Variants in SMG5 observed in about 807,000 individuals in gnomAD.
SMG5 encodes SMG5 nonsense mediated mRNA decay factor.
SMG5 carries 53 observed loss-of-function variants against 122.9 expected under a neutral mutation model. The ratio of observed to expected loss-of-function variants is 0.43; its 90% CI spans 0.35 to 0.54. SMG5 has a LOEUF of 0.54. Ranked by LOEUF, SMG5 falls within the 20% of genes least tolerant of loss-of-function variation. The probability of loss-of-function intolerance (pLI) is 0.01; values close to 1 mark genes in which losing one functional copy is unlikely to be tolerated. For missense variants in SMG5, 1,153 were observed against 1,285.6 expected (o/e 0.90, Z 1.58); for synonymous variants, 477 against 490.2 (o/e 0.97, Z 0.35).
At position 156,268,324 on chromosome 1, in the gene SMG5, A is replaced by T. The variant is rs757470262; in HGVS notation, c.805T>A (p.Cys269Ser). 2.5e-6 allele frequency: 4 copies of T among 1,614,136 alleles called. No individual in the cohort carries two copies. The East Asian group carries it at 8.9e-5, about 36-fold the overall frequency. Residue 269 changes from cysteine to serine, a missense_variant, in exon 8 of 22, where the codon TGT (cysteine) becomes AGT (serine). By Grantham distance (112) the Cys-to-Ser change is moderately radical (BLOSUM62 -1). Around this residue, in one of 5 missense-constraint regions of SMG5, gnomAD observed 631 missense variants for 650.6 expected, o/e 0.97. Transcript: ENST00000361813. The part of the protein sequence containing the change: ...AAKMYHQLKK[C>S]ETRKLSPGKK... ...CCAGGAGACAGTTTCCGAGTCTCAC[A>T]CTTCTTCAGTTGGTGGTACATTTTG... is the stretch of plus-strand genomic sequence containing the variant.
intron 16 of SMG5, among the ~76,000 whole-genome samples, chr1:156,254,067 G>T (rs1046841989): frequency 1.3e-5 from 2 of 152,130 alleles, no homozygotes; most frequent in Non-Finnish European, 2.9e-5. Flanking sequence ...GCTCAGGGTT[G>T]GCTTTGAATC....
chr1:156,273,057 G>A (rs1662505359), intron 6 of SMG5, among the ~76,000 whole-genome samples: 1 of 152,054 alleles, frequency 6.6e-6, no homozygotes. Context: ...CTCTATAATA[G>A]TCTTATGCTT....
At chr1:156,284,213 T>C (rs1265586165), upstream of SMG5, 1 of 152,264 alleles carries the variant, frequency 6.6e-6, no homozygotes, top group East Asian at 1.9e-4. Flanking sequence ...ATGCTTTTTT[T>C]TGTCGGCAGA....
At chr1:156,278,488 T>C (rs1009523888) in intron 2 of SMG5, among the ~76,000 whole-genome samples, 1 of 151,594 alleles carries the variant, frequency 6.6e-6, no homozygotes, top group Non-Finnish European at 1.5e-5. Context: ...TCAGCCTAAC[T>C]ACAGGTGTGC....
At chr1:156,250,718 T>A (rs1558230491) in intron 21 of SMG5, 48 bp from the exon 22 acceptor site, 2 of 1,606,940 alleles carry the variant, frequency 1.2e-6, no homozygotes, top group Non-Finnish European at 1.7e-6. Context: ...CCTCCTGAAC[T>A]GAAGAGCAAA....
upstream of SMG5, chr1:156,284,297 A>T (rs1218872136): frequency 6.6e-6 from 1 of 152,258 alleles, no homozygotes; most frequent in African/African-American, 2.4e-5. Context: ...AGACACAGGT[A>T]AAGGGAGGGA....
intron 12 of SMG5, among the ~76,000 whole-genome samples, chr1:156,265,400 AG>A (rs1662080475): frequency 6.6e-6 from 1 of 152,202 alleles, no homozygotes; most frequent in South Asian, 2.1e-4. Context: ...GAATATCCTC[AG>A]GAGAGAAGTC....
In SMG5 at chr1:156,272,460, CAACCAATGCT is replaced by C. The variant is rs1329459318; in HGVS notation, c.635-72_635-63del. On this transcript the variant is annotated intron_variant, in intron 6 of 21. Coordinates refer to ENST00000361813, the MANE Select transcript of SMG5 (RefSeq NM_015327.3). The stretch of plus-strand genomic sequence containing the variant: ...AATACTCATTCAAAGCTGCCAGGCC[CAACCAATGCT>C]AAGCATCAGAGAACCTGTAGGGAGA... The C allele has an allele frequency of 3.6e-6, 5 of 1,373,734 alleles. No homozygotes were observed. In the Admixed American group the frequency reaches 9.7e-5, roughly 27 times the overall value. 85.1% of individuals were successfully genotyped at this position (1,373,734 alleles called of 1,614,324 possible).
chr1:156,274,752 A>C (rs1572596371), intron 4 of SMG5, 66 bp from the exon 5 acceptor site: 15 of 1,313,296 alleles, frequency 1.1e-5, no homozygotes, highest in South Asian at 9.5e-5. Flanking sequence ...ATGAAGAAAT[A>C]CCCCTCCGAG....
chr1:156,250,690 A>G lies in SMG5; in HGVS notation c.2968-20T>C. 1 of 1,613,064 alleles carries G rather than the reference A, an allele frequency of 6.2e-7. No homozygotes were observed. Among genetic ancestry groups the G allele is most frequent in the Non-Finnish European group, 8.5e-7 (1 of 1,179,042 alleles). ...GGCTGCCTGTGGAATGGGAGAAGGA[A>G]AGATGGAGAGGGTCTGACCTCCTGA... On this transcript the variant is annotated intron_variant, in intron 21 of 21. Coordinates refer to ENST00000361813, the MANE Select transcript of SMG5 (RefSeq NM_015327.3).
At chr1:156,252,371 A>ACT (rs1198798738) in intron 19 of SMG5, 43 bp downstream of exon 19, 2 of 1,591,782 alleles carry the variant, frequency 1.3e-6, no homozygotes, top group South Asian at 2.2e-5. Flanking sequence ...TATCCAAAAG[A>ACT]CAGACCCAGG....
At chr1:156,273,169 A>G (rs1183577072) in intron 6 of SMG5, among the ~76,000 whole-genome samples, 192 bp downstream of exon 6, 1 of 152,118 alleles carries the variant, frequency 6.6e-6, no homozygotes, top group Non-Finnish European at 1.5e-5. Context: ...AGACCTTCCC[A>G]TTTATCTTCC....
chr1:156,263,406 C>T lies in SMG5; in HGVS notation c.2020G>A (p.Val674Met), dbSNP rs377187567. 39 of 1,613,578 alleles carry T rather than the reference C, an allele frequency of 2.4e-5. No individual in the cohort carries two copies. Among genetic ancestry groups the T allele is most frequent in the Middle Eastern group, 1.6e-4 (1 of 6,062 alleles). The change falls in exon 13 of 22, where the codon GTG becomes ATG. Residue 674 changes from valine to methionine, a missense_variant. By Grantham distance (21) the Val-to-Met change is conservative (BLOSUM62 1). This residue lies in a region of SMG5 where 631 missense variants were observed against 650.6 expected (regional missense o/e 0.97). Transcript: ENST00000361813. ...GTGGACTGACACACCTGCGCACACA[C>T]GATGATGAGGTCGGGGTTGGTCCGA... ...WLRTNPDLII[V>M]CAQSSQSLWN... is the part of the protein sequence containing the mutation.
chr1:156,276,962 G>C (rs546274334), intron 4 of SMG5, 123 bp downstream of exon 4: 51 of 911,596 alleles, frequency 5.6e-5, no homozygotes, highest in Non-Finnish European at 6.3e-5. Context: ...TAAACCATTT[G>C]TATGTAGTTC....
At position 156,250,482 on chromosome 1, in the gene SMG5, G is replaced by C; in HGVS notation, c.*105C>G. The C allele has an allele frequency of 2.0e-6, 2 of 988,326 alleles. No homozygotes were observed. The highest frequency in any genetic ancestry group is 4.8e-5 in the East Asian group (2 of 41,808). The allele number at this position is 988,326 out of a possible 1,614,324, so 61.2% of individuals were successfully genotyped here. A position where few individuals can be genotyped will look rare whatever the true frequency, so the allele number is the denominator to read the frequency against. The stretch of plus-strand genomic sequence containing the variant: ...AGCTAGGCCTCCCTCCTGTGTGCGT[G>C]CATGAGTCTGCGTGTGGTGGGGTGA... On this transcript the variant is annotated 3_prime_UTR_variant, in exon 22 of 22. Transcript: ENST00000361813.
At chr1:156,251,194 A>G (rs1661331274) in intron 20 of SMG5, 198 bp from the exon 21 acceptor site, 2 of 882,682 alleles carry the variant, frequency 2.3e-6, no homozygotes, top group African/African-American at 1.7e-5. Context: ...GAGCATCGCA[A>G]GGCCCAAAGA....
intron 7 of SMG5, among the ~76,000 whole-genome samples, chr1:156,272,081 C>T (rs567206885): frequency 6.6e-5 from 10 of 152,200 alleles, no homozygotes; most frequent in Admixed American, 2.0e-4. Context: ...AAACAGCAAT[C>T]TTGTATTTTG....
chr1:156,286,168 C>T, upstream of SMG5: 1 of 1,401,156 alleles, frequency 7.1e-7, no homozygotes, highest in South Asian at 1.3e-5. Flanking sequence ...AGAGCCCATG[C>T]ACTGCCCACA....
At chr1:156,252,836 G>A (rs1323245186) in intron 18 of SMG5, 83 bp downstream of exon 18, 2 of 1,395,080 alleles carry the variant, frequency 1.4e-6, no homozygotes, top group East Asian at 5.0e-5. Context: ...CATATAAACT[G>A]GGCCCCAAAT....
Sources: gnomAD v4.1 joint callset for allele counts (sites outside exome capture counted in the v4.1 genomes callset) on GRCh38, gnomAD v4.1.1 for gene constraint, gnomAD v4.1.1 regional missense constraint, MANE v1.5 for transcripts, NCBI Gene and HGNC (gene_info 2026-07-23, HGNC 2026-07-21) for gene names.